The following NPAS3 variants were observed in gnomAD, a reference collection of about 807,000 sequenced individuals.
The protein encoded by NPAS3 is neuronal PAS domain protein 3, also known as neuronal PAS domain-containing protein 3.
A neutral mutation model predicts 73.1 loss-of-function variants in NPAS3; 14 were observed. The observed-to-expected ratio is 0.19, with a 90% confidence interval of 0.13 to 0.30. The LOEUF (loss-of-function observed/expected upper bound fraction) is 0.30, where lower values mean the gene tolerates loss of function less well. Ranked by LOEUF, NPAS3 falls within the 10% of genes least tolerant of loss-of-function variation. The pLI, the probability that NPAS3 is intolerant of heterozygous loss-of-function variation, is 1.00. For missense variants in NPAS3, 1,096 were observed against 1,250.0 expected (o/e 0.88, Z 1.86); for synonymous variants, 620 against 541.5 (o/e 1.14, Z -2.01).
intron 3 of NPAS3, among the ~76,000 whole-genome samples, chr14:33,273,022 G>T (rs949705326): frequency 4.6e-5 from 7 of 152,058 alleles, no homozygotes; most frequent in East Asian, 1.9e-4. Context: ...TCTTTCAATT[G>T]CTGTTGCCAC....
intron 1 of NPAS3, among the ~76,000 whole-genome samples, chr14:33,003,153 TC>T (rs2038870969): frequency 6.6e-6 from 1 of 152,118 alleles, no homozygotes; most frequent in South Asian, 2.1e-4. Context: ...CCCTTTTTAA[TC>T]CCTTTCACCC....
chr14:33,243,261 G>C (rs2048267958), intron 3 of NPAS3, among the ~76,000 whole-genome samples: 1 of 152,078 alleles, frequency 6.6e-6, no homozygotes, highest in Non-Finnish European at 1.5e-5. Flanking sequence ...GAAAGTTTCT[G>C]GAGAGAATAA....
intron 5 of NPAS3, among the ~76,000 whole-genome samples, chr14:33,561,438 C>T (rs1185912500): frequency 6.6e-6 from 1 of 152,216 alleles, no homozygotes; most frequent in Non-Finnish European, 1.5e-5. Flanking sequence ...TTTTGAAGAA[C>T]ATGCAAGCTC....
At chr14:33,129,946 A>G (rs960953170) in intron 2 of NPAS3, among the ~76,000 whole-genome samples, 1 of 152,176 alleles carries the variant, frequency 6.6e-6, no homozygotes, top group Non-Finnish European at 1.5e-5. Flanking sequence ...ATTAAGCAAC[A>G]GATCATACCA....
chr14:33,666,581 T>C (rs1325362861), intron 5 of NPAS3, among the ~76,000 whole-genome samples: 1 of 152,170 alleles, frequency 6.6e-6, no homozygotes, highest in Non-Finnish European at 1.5e-5. Flanking sequence ...CTGGAGAAAT[T>C]TGAGAGGCAG....
intron 5 of NPAS3, among the ~76,000 whole-genome samples, chr14:33,668,007 T>TAGATA (rs924234693): frequency 6.6e-6 from 1 of 152,120 alleles, no homozygotes; most frequent in African/African-American, 2.4e-5. Flanking sequence ...ATCAACCCAT[T>TAGATA]AGATAAGATT....
intron 2 of NPAS3, among the ~76,000 whole-genome samples, chr14:33,175,900 G>T (rs1236672520): frequency 6.6e-6 from 1 of 152,078 alleles, no homozygotes; most frequent in East Asian, 1.9e-4. Context: ...AATAGTATTT[G>T]AGTCTGGTTT....
At chr14:33,613,195 G>A (rs1480936374) in intron 5 of NPAS3, among the ~76,000 whole-genome samples, 1 of 152,032 alleles carries the variant, frequency 6.6e-6, no homozygotes, top group Non-Finnish European at 1.5e-5. Flanking sequence ...CCAACTGGAG[G>A]GCACCTGCTC....
intron 9 of NPAS3, among the ~76,000 whole-genome samples, chr14:33,790,134 T>C (rs2058428015): frequency 1.3e-5 from 2 of 152,242 alleles, no homozygotes; most frequent in African/African-American, 2.4e-5. Context: ...TTGTAGTTTG[T>C]AGACATGGTT....
At chr14:33,045,758 C>T (rs2040486737) in intron 1 of NPAS3, among the ~76,000 whole-genome samples, 5 of 152,104 alleles carry the variant, frequency 3.3e-5, no homozygotes, top group Admixed American at 3.3e-4. Context: ...CAAAGATCCT[C>T]TGATTAGTTC....
intron 2 of NPAS3, among the ~76,000 whole-genome samples, chr14:33,075,815 A>C (rs966839088): frequency 1.3e-5 from 2 of 152,208 alleles, no homozygotes; most frequent in African/African-American, 2.4e-5. Flanking sequence ...GTCCATAAGA[A>C]TATGTAGTTT....
At chr14:33,203,825 TG>T (rs1409044030) in intron 2 of NPAS3, among the ~76,000 whole-genome samples, 1 of 152,204 alleles carries the variant, frequency 6.6e-6, no homozygotes, top group East Asian at 1.9e-4. Flanking sequence ...TATAATCCTT[TG>T]GGTATATAAC....
intron 2 of NPAS3, among the ~76,000 whole-genome samples, chr14:33,181,692 G>T (rs1435609321): frequency 6.6e-6 from 1 of 152,074 alleles, no homozygotes; most frequent in Non-Finnish European, 1.5e-5. Context: ...AAAATTAAAT[G>T]GCTGCTATAA....
At chr14:33,373,548 G>A (rs556275223) in intron 4 of NPAS3, among the ~76,000 whole-genome samples, 3 of 152,150 alleles carry the variant, frequency 2.0e-5, no homozygotes, top group East Asian at 1.9e-4. Flanking sequence ...AGTATAATAA[G>A]TACCAACATG....
At chr14:33,378,629 C>A (rs773593130) in intron 4 of NPAS3, among the ~76,000 whole-genome samples, 1 of 151,932 alleles carries the variant, frequency 6.6e-6, no homozygotes, top group Non-Finnish European at 1.5e-5. Flanking sequence ...GAGCAAGACT[C>A]CACCTCAAAA....
chr14:33,081,946 C>A (rs1446441163), intron 2 of NPAS3, among the ~76,000 whole-genome samples: 1 of 152,208 alleles, frequency 6.6e-6, no homozygotes, highest in Non-Finnish European at 1.5e-5. Flanking sequence ...GACTTTTCTC[C>A]TGGACAGCCA....
chr14:33,191,387 T>TA (rs1372881387), intron 2 of NPAS3, among the ~76,000 whole-genome samples: 2 of 152,222 alleles, frequency 1.3e-5, no homozygotes, highest in Non-Finnish European at 2.9e-5. Context: ...AGTCATTTTT[T>TA]ATTATACAAA....
chr14:33,032,877 A>G (rs1309523728), intron 1 of NPAS3, among the ~76,000 whole-genome samples: 1 of 152,160 alleles, frequency 6.6e-6, no homozygotes, highest in Non-Finnish European at 1.5e-5. Context: ...TCCCAATTTG[A>G]TCTTGTGAGC....
chr14:33,097,100 AG>A (rs1333526132), intron 2 of NPAS3, among the ~76,000 whole-genome samples: 2 of 152,094 alleles, frequency 1.3e-5, no homozygotes, highest in African/African-American at 2.4e-5. Flanking sequence ...ATTCTGGACC[AG>A]GTGTAGTGGT....
Sources: allele counts gnomAD v4.1 joint callset (sites outside exome capture counted in the v4.1 genomes callset), GRCh38; gene constraint gnomAD v4.1.1; transcripts MANE v1.5; gene names NCBI Gene and HGNC (gene_info 2026-07-23, HGNC 2026-07-21).